ACER1: variants seen among roughly 807,000 people sequenced by gnomAD.
ACER1 encodes the protein alkaline ceramidase 1, also known as CTB-180A7.3.
A neutral mutation model predicts 24.9 loss-of-function variants in ACER1; 28 were observed. The ratio of observed to expected loss-of-function variants is 1.13; its 90% confidence interval spans 0.83 to 1.54. The LOEUF (loss-of-function observed/expected upper bound fraction) is 1.54, where lower values mean the gene tolerates loss of function less well. Ranked by LOEUF, ACER1 falls within the 40% of genes most tolerant of loss-of-function variation. The pLI, the probability that ACER1 is intolerant of heterozygous loss-of-function variation, is 0.00. For synonymous variants in ACER1, 132 were observed against 131.4 expected (o/e 1.00, Z -0.03); for missense variants, 352 against 349.3 (o/e 1.01, Z -0.06).
At chr19:6,345,039 G>T in the ACER1 span, among the ~76,000 whole-genome samples, 1 of 151,680 alleles carries the variant, frequency 6.6e-6, no homozygotes, top group African/African-American at 2.4e-5. Flanking sequence ...CTAATTTTTT[G>T]TATTTTTAGT....
intron 3 of ACER1, among the ~76,000 whole-genome samples, chr19:6,311,532 ACT>A (rs2091580215): frequency 6.6e-6 from 1 of 151,676 alleles, no homozygotes; most frequent in African/African-American, 2.4e-5. Flanking sequence ...ACAGAGCGAG[ACT>A]CTGTCTCAAA....
chr19:6,327,684 C>T (rs1288281159), intron 1 of ACER1, among the ~76,000 whole-genome samples: 1 of 151,980 alleles, frequency 6.6e-6, no homozygotes, highest in Non-Finnish European at 1.5e-5. Context: ...ATGTGTCCCA[C>T]AAGCTAAGAA....
chr19:6,309,768 G>C lies in ACER1; in HGVS notation c.417C>G (p.Pro139=), dbSNP rs745386202. 6.2e-7 allele frequency: 1 copy of C among 1,614,102 alleles called. No homozygotes were observed. The highest frequency in any genetic ancestry group is 8.5e-7 in the Non-Finnish European group (1 of 1,180,004). ...TGTTGAGGGCGTAGGCGTTGACCGT[G>C]GGCCGCAGGAAGGACAGAAGGGTGC... ...VVSTLLSFLR[P]TVNAYALNSI... The change falls in exon 4 of 6, where the codon CCC becomes CCG. Residue 139 remains proline (P), a synonymous_variant. Transcript: ENST00000301452.
chr19:6,333,455 T>C lies in ACER1; in HGVS notation c.93+4A>G, dbSNP rs994911412. 16 of 1,583,892 alleles carry C rather than the reference T, an allele frequency of 1.0e-5. No homozygotes were observed. Among genetic ancestry groups the C allele is most frequent in the Admixed American group, 1.8e-5 (1 of 55,724 alleles). Reference sequence around the variant, plus strand: ...GAGACTCCTTCACACACCCACGCACTCACCGTGTTGTAGAACTCGGCCACC... The same window carrying C: ...GAGACTCCTTCACACACCCACGCACCCACCGTGTTGTAGAACTCGGCCACC... On this transcript the variant is annotated splice_donor_region_variant and intron_variant, in intron 1 of 5. Coordinates refer to ENST00000301452, the MANE Select transcript of ACER1 (RefSeq NM_133492.3).
rs775468275 is a variant in ACER1 at position 6,324,860 on chromosome 19, AAAGGAAGG to A, written c.93+8591_93+8598del. 8.8e-3 allele frequency among the ~76,000 whole-genome samples: 883 copies of A among 100,314 alleles called. 6 individuals are homozygous for A. The highest frequency in any genetic ancestry group is 0.022 in the South Asian group (59 of 2,664). 65.8% of individuals were successfully genotyped at this position (100,314 alleles called of 152,430 possible). ...AGGAAGGAAGGAAAGAGAGAGAGAGAAAGGAAGGAAGGAAGGAAGGAAGGAAGGAAGGA... is the reference window on the plus strand; with the variant it reads ...AGGAAGGAAGGAAAGAGAGAGAGAGAAAGGAAGGAAGGAAGGAAGGAAGGA... On this transcript the variant is annotated intron_variant, in intron 1 of 5. Transcript: ENST00000301452.
At chr19:6,355,601 G>A in the ACER1 span, among the ~76,000 whole-genome samples, 633 of 147,962 alleles carry the variant, frequency 4.3e-3, 9 homozygotes, top group African/African-American at 0.015. Context: ...CAGGCCAGCC[G>A]CCCCGTCCGG....
chr19:6,336,819 C>CAAAAAAAAAAA (rs57500077), upstream of ACER1, among the ~76,000 whole-genome samples: 3 of 67,772 alleles, frequency 4.4e-5, no homozygotes, highest in Non-Finnish European at 6.5e-5. Context: ...GACCCCGACT[C>CAAAAAAAAAAA]AAAAAAAAAA....
the ACER1 span, among the ~76,000 whole-genome samples, chr19:6,343,265 C>G: frequency 2.0e-5 from 3 of 152,212 alleles, no homozygotes; most frequent in Non-Finnish European, 4.4e-5. Context: ...AAGTTTACAT[C>G]TCACATAAGC....
the ACER1 span, among the ~76,000 whole-genome samples, chr19:6,357,453 G>A: frequency 6.6e-6 from 1 of 151,650 alleles, no homozygotes; most frequent in Non-Finnish European, 1.5e-5. Flanking sequence ...GGGGTCAGCA[G>A]GGGGGACGGG....
At chr19:6,315,072 G>A (rs1223296908) in intron 1 of ACER1, among the ~76,000 whole-genome samples, 1 of 151,400 alleles carries the variant, frequency 6.6e-6, no homozygotes, top group Non-Finnish European at 1.5e-5. Flanking sequence ...TTTTTTTGTA[G>A]TTTTAGTAGA....
At chr19:6,345,770 G>T in the ACER1 span, among the ~76,000 whole-genome samples, 1 of 151,556 alleles carries the variant, frequency 6.6e-6, no homozygotes, top group South Asian at 2.1e-4. Flanking sequence ...TTACCATGTT[G>T]CCCAGACTGG....
chr19:6,347,970 A>T, the ACER1 span, among the ~76,000 whole-genome samples: 1 of 150,896 alleles, frequency 6.6e-6, no homozygotes, highest in Non-Finnish European at 1.5e-5. Context: ...TGGGGGGCGG[A>T]TCACCTGAGG....
chr19:6,352,538 C>A, the ACER1 span, among the ~76,000 whole-genome samples: 1 of 152,190 alleles, frequency 6.6e-6, no homozygotes, highest in Non-Finnish European at 1.5e-5. Flanking sequence ...AAATGATAAG[C>A]TGTGGTTGTT....
chr19:6,340,848 G>A, the ACER1 span, among the ~76,000 whole-genome samples: 1 of 152,128 alleles, frequency 6.6e-6, no homozygotes, highest in Non-Finnish European at 1.5e-5. Context: ...ACAGAGGCGT[G>A]TGAGCTCTCA....
intron 3 of ACER1, among the ~76,000 whole-genome samples, chr19:6,311,240 G>T (rs1568308361): frequency 1.3e-5 from 2 of 152,132 alleles, no homozygotes; most frequent in East Asian, 3.9e-4. Context: ...GGGTCCTGGA[G>T]GGCTCAGGTG....
chr19:6,339,020 G>A, the ACER1 span, among the ~76,000 whole-genome samples: 1 of 151,888 alleles, frequency 6.6e-6, no homozygotes, highest in South Asian at 2.1e-4. Flanking sequence ...GGGATTACAG[G>A]CGCCCACCAC....
At chr19:6,334,392 T>C (rs2091704637), upstream of ACER1, among the ~76,000 whole-genome samples, 1 of 151,894 alleles carries the variant, frequency 6.6e-6, no homozygotes, top group Non-Finnish European at 1.5e-5. Context: ...TCACCCAGGC[T>C]GGAGTGTAGT....
At chr19:6,333,052 A>T (rs944325421) in intron 1 of ACER1, among the ~76,000 whole-genome samples, 1 of 152,170 alleles carries the variant, frequency 6.6e-6, no homozygotes, top group Middle Eastern at 3.4e-3. Flanking sequence ...AGCTGCAAAC[A>T]AGACAGACAC....
At chr19:6,335,601 C>T (rs904540630), upstream of ACER1, among the ~76,000 whole-genome samples, 8 of 152,050 alleles carry the variant, frequency 5.3e-5, no homozygotes, top group Non-Finnish European at 1.2e-4. Flanking sequence ...GAGACCAAGG[C>T]GGGAGGATCA....
Sources: gnomAD v4.1 joint callset for allele counts (sites outside exome capture counted in the v4.1 genomes callset) on GRCh38, gnomAD v4.1.1 for gene constraint, MANE v1.5 for transcripts, NCBI Gene and HGNC (gene_info 2026-07-23, HGNC 2026-07-21) for gene names.